The following CEP112 variants were observed in gnomAD, a reference collection of about 807,000 sequenced individuals.
The protein encoded by CEP112 is centrosomal protein 112.
In CEP112, 127 loss-of-function variants were observed where a neutral mutation model predicts 153.0. The observed-to-expected ratio is 0.83, with a 90% CI of 0.72 to 0.96. CEP112 has a LOEUF of 0.96. CEP112 is among the 40% of genes least tolerant of loss of function. The pLI is 0.00. For synonymous variants in CEP112, 358 were observed against 374.4 expected (o/e 0.96, Z 0.51); for missense variants, 1,089 against 1,101.2 (o/e 0.99, Z 0.16).
intron 23 of CEP112, among the ~76,000 whole-genome samples, chr17:65,695,396 A>G (rs2048307083): frequency 6.6e-6 from 1 of 152,208 alleles, no homozygotes; most frequent in Non-Finnish European, 1.5e-5. Context: ...GTTTGGGGAA[A>G]AAAGAGTATC....
chr17:65,839,102 A>G (rs1426701578), intron 21 of CEP112, among the ~76,000 whole-genome samples: 1 of 152,158 alleles, frequency 6.6e-6, no homozygotes, highest in East Asian at 1.9e-4. Context: ...TTCTACTCAA[A>G]GTCAACAAAA....
chr17:65,984,003 G>A (rs7212998), intron 17 of CEP112, among the ~76,000 whole-genome samples: 9,848 of 151,870 alleles, frequency 0.065, 459 homozygotes, highest in South Asian at 0.12. Context: ...AGTGTTTTGA[G>A]GTTAAGGCTT....
At chr17:65,957,685 A>G in intron 18 of CEP112, among the ~76,000 whole-genome samples, 1 of 152,178 alleles carries the variant, frequency 6.6e-6, no homozygotes, top group East Asian at 1.9e-4. Flanking sequence ...TATTATTACA[A>G]TTATATACTC....
At chr17:66,124,319 T>G (rs544290458) in intron 6 of CEP112, among the ~76,000 whole-genome samples, 2 of 152,178 alleles carry the variant, frequency 1.3e-5, no homozygotes, top group Non-Finnish European at 2.9e-5. Context: ...CTGGCCAAAC[T>G]CTGAAGGAAC....
At chr17:66,085,224 C>T (rs2067874455) in intron 8 of CEP112, among the ~76,000 whole-genome samples, 1 of 152,098 alleles carries the variant, frequency 6.6e-6, no homozygotes, top group African/African-American at 2.4e-5. Context: ...CACATTTACA[C>T]AATACAAATC....
intron 8 of CEP112, among the ~76,000 whole-genome samples, chr17:66,078,054 G>A (rs577389171): frequency 6.6e-6 from 1 of 152,166 alleles, no homozygotes; most frequent in Admixed American, 6.5e-5. Flanking sequence ...TATAAGGTGA[G>A]AGAAGAGGTT....
chr17:65,692,035 G>A (rs1422737571), intron 23 of CEP112, among the ~76,000 whole-genome samples: 4 of 152,128 alleles, frequency 2.6e-5, no homozygotes, highest in Non-Finnish European at 1.5e-5. Flanking sequence ...TTGGCATGCC[G>A]TGCAGATGTC....
intron 23 of CEP112, among the ~76,000 whole-genome samples, chr17:65,693,393 G>T (rs183887457): frequency 1.3e-5 from 2 of 151,644 alleles, no homozygotes; most frequent in African/African-American, 4.9e-5. Flanking sequence ...CCCTATTCAC[G>T]CCCAATTGTG....
chr17:65,991,185 A>G (rs550069503), intron 17 of CEP112, among the ~76,000 whole-genome samples: 1 of 152,332 alleles, frequency 6.6e-6, no homozygotes, highest in East Asian at 1.9e-4. Context: ...TAATTTAACT[A>G]TAATATAATT....
intron 23 of CEP112, among the ~76,000 whole-genome samples, chr17:65,721,209 A>G (rs2049865189): frequency 6.6e-6 from 1 of 151,992 alleles, no homozygotes; most frequent in Non-Finnish European, 1.5e-5. Context: ...ACGGGGTCTC[A>G]CCGTGTTAAC....
chr17:66,044,592 G>A (rs751293428), intron 12 of CEP112, among the ~76,000 whole-genome samples: 2 of 152,144 alleles, frequency 1.3e-5, no homozygotes, highest in Non-Finnish European at 2.9e-5. Context: ...GACATTATGC[G>A]AAGTGAAATA....
At chr17:65,701,796 C>T (rs2048644266) in intron 23 of CEP112, among the ~76,000 whole-genome samples, 1 of 152,164 alleles carries the variant, frequency 6.6e-6, no homozygotes, top group Non-Finnish European at 1.5e-5. Context: ...CATTCAATTA[C>T]CAAGTTCCTG....
intron 21 of CEP112, among the ~76,000 whole-genome samples, chr17:65,847,740 T>C (rs555634487): frequency 1.3e-5 from 2 of 152,278 alleles, no homozygotes; most frequent in African/African-American, 4.8e-5. Flanking sequence ...TTTCAGGTAA[T>C]GCTATGAGCT....
At chr17:66,010,100 G>A (rs1415578921) in intron 16 of CEP112, among the ~76,000 whole-genome samples, 1 of 152,122 alleles carries the variant, frequency 6.6e-6, no homozygotes, top group Non-Finnish European at 1.5e-5. Flanking sequence ...TGAGGATGAA[G>A]TGTTTTTTGA....
intron 17 of CEP112, among the ~76,000 whole-genome samples, chr17:65,987,166 T>C (rs993055055): frequency 2.8e-4 from 43 of 152,150 alleles, no homozygotes; most frequent in African/African-American, 1.0e-3. Flanking sequence ...AAGAAGACCG[T>C]CTCTATGAAA....
intron 12 of CEP112, among the ~76,000 whole-genome samples, chr17:66,034,952 C>A (rs2065650363): frequency 8.4e-6 from 1 of 118,442 alleles, no homozygotes; most frequent in Non-Finnish European, 1.8e-5. Context: ...GCATGTGCCA[C>A]CATGCCCAGC....
chr17:65,736,382 G>A (rs769396191), intron 23 of CEP112, among the ~76,000 whole-genome samples: 3 of 152,142 alleles, frequency 2.0e-5, no homozygotes, highest in Non-Finnish European at 4.4e-5. Context: ...GCTCTAGATT[G>A]TACAGTCTAT....
At position 65,793,294 on chromosome 17, in the gene CEP112, A is replaced by G. The variant is rs1331478678; in HGVS notation, c.2395-42570T>C. Among the ~76,000 whole-genome samples the G allele has an allele frequency of 2.0e-5, 3 of 152,150 alleles. No individual in the cohort carries two copies. In the East Asian group the frequency reaches 5.8e-4, roughly 29 times the overall value. ...AGTGGGAGCTGAATGATGAGAACACATGGACCCATGAGGGAGAACAACACA... is the reference window on the plus strand; with the variant it reads ...AGTGGGAGCTGAATGATGAGAACACGTGGACCCATGAGGGAGAACAACACA... On this transcript the variant is annotated intron_variant, in intron 21 of 26. Coordinates refer to ENST00000535342, the MANE Select transcript of CEP112 (RefSeq NM_001199165.4).
intron 21 of CEP112, among the ~76,000 whole-genome samples, chr17:65,831,094 TA>T (rs1330897312): frequency 6.6e-6 from 1 of 152,132 alleles, no homozygotes; most frequent in Non-Finnish European, 1.5e-5. Context: ...AATACGTGCA[TA>T]AAATAGAGAA....
Sources: allele counts gnomAD v4.1 joint callset (sites outside exome capture counted in the v4.1 genomes callset), GRCh38; gene constraint gnomAD v4.1.1; transcripts MANE v1.5; gene names NCBI Gene and HGNC (gene_info 2026-07-23, HGNC 2026-07-21).